LAMA2: variants seen among roughly 807,000 people sequenced by gnomAD.
The protein encoded by LAMA2 is laminin subunit alpha 2.
A neutral mutation model predicts 364.8 loss-of-function variants in LAMA2; 269 were observed. The observed-to-expected ratio is 0.74, with a 90% CI of 0.67 to 0.82. The LOEUF is 0.82. LAMA2 is among the 40% of genes least tolerant of loss of function. The pLI, the probability that LAMA2 is intolerant of heterozygous loss-of-function variation, is 0.00. For synonymous variants in LAMA2, 1,379 were observed against 1,370.6 expected, an observed-to-expected ratio of 1.01 and a Z score of -0.14; for missense variants, 3,807 against 3,873.2, an observed-to-expected ratio of 0.98 and a Z score of 0.45.
In LAMA2 at chr6:129,158,213, A is replaced by G; in HGVS notation, c.1206+3530A>G. On this transcript the variant is annotated intron_variant, in intron 8 of 64. Transcript: ENST00000421865. Reference sequence around the variant, plus strand: ...GGTAATCAGTAATCAAATAGAGCTGAGTCCAGGAACCTGTACCTTTAATAT... The same window carrying G: ...GGTAATCAGTAATCAAATAGAGCTGGGTCCAGGAACCTGTACCTTTAATAT... The G allele has an allele frequency of 1.9e-6, 3 of 1,613,882 alleles. No homozygotes were observed. In the South Asian group the frequency reaches 3.3e-5, roughly 18 times the overall value.
chr6:129,029,417 G>T (rs1786068546), intron 1 of LAMA2, among the ~76,000 whole-genome samples: 1 of 151,936 alleles, frequency 6.6e-6, no homozygotes, highest in South Asian at 2.1e-4. Context: ...AACGGATTAG[G>T]AATATTTAAT....
intron 1 of LAMA2, among the ~76,000 whole-genome samples, chr6:128,914,942 T>A (rs956692848): frequency 7.2e-5 from 11 of 152,160 alleles, no homozygotes; most frequent in Admixed American, 3.9e-4. Flanking sequence ...AGCAAAAATA[T>A]TACTTCTTCA....
At chr6:129,171,164 G>A (rs1208516121) in intron 9 of LAMA2, among the ~76,000 whole-genome samples, 1 of 151,732 alleles carries the variant, frequency 6.6e-6, no homozygotes, top group Non-Finnish European at 1.5e-5. Context: ...GGAGCATTTA[G>A]TCCATTTACA....
chr6:129,320,742 A>G (rs1774915636), intron 28 of LAMA2, 87 bp downstream of exon 28: 1 of 749,776 alleles, frequency 1.3e-6, no homozygotes, highest in Non-Finnish European at 2.4e-6. Flanking sequence ...TACTGCATAC[A>G]TATTCTTAAT....
chr6:129,006,811 G>T (rs1175470149), intron 1 of LAMA2, among the ~76,000 whole-genome samples: 5 of 152,046 alleles, frequency 3.3e-5, no homozygotes, highest in Non-Finnish European at 7.4e-5. Context: ...CTTGGTCTTT[G>T]ACCTCTTCTC....
chr6:128,996,554 T>G (rs538887047), intron 1 of LAMA2, among the ~76,000 whole-genome samples: 2 of 152,206 alleles, frequency 1.3e-5, no homozygotes, highest in South Asian at 4.1e-4. Flanking sequence ...ATTAGAGAAA[T>G]GCAAATCAAA....
intron 26 of LAMA2, 22 bp from the exon 27 acceptor site, chr6:129,316,016 T>A: frequency 6.2e-7 from 1 of 1,614,066 alleles, no homozygotes; most frequent in Non-Finnish European, 8.5e-7. Flanking sequence ...TTTGTCATAG[T>A]GATTTCTCTT....
intron 12 of LAMA2, among the ~76,000 whole-genome samples, chr6:129,205,267 C>G (rs1203476613): frequency 6.6e-6 from 1 of 151,802 alleles, no homozygotes; most frequent in Non-Finnish European, 1.5e-5. Context: ...TGGCACACGC[C>G]TGTAGTCCCA....
chr6:129,184,469 C>G (rs1437131972), intron 10 of LAMA2, among the ~76,000 whole-genome samples: 2 of 151,806 alleles, frequency 1.3e-5, no homozygotes, highest in Non-Finnish European at 2.9e-5. Context: ...TTGATGAGGC[C>G]TCATCGTTGA....
chr6:129,045,802 G>C (rs748927510), intron 1 of LAMA2, among the ~76,000 whole-genome samples: 50 of 152,192 alleles, frequency 3.3e-4, no homozygotes, highest in African/African-American at 2.4e-5. Context: ...GCCTGGGAAA[G>C]TACAGGCCTG....
intron 28 of LAMA2, among the ~76,000 whole-genome samples, chr6:129,327,673 T>C (rs1440298705): frequency 6.6e-6 from 1 of 152,208 alleles, no homozygotes; most frequent in East Asian, 1.9e-4. Flanking sequence ...ATATGTCAGC[T>C]TCACTAGAAG....
chr6:129,025,840 T>A (rs2114723738), intron 1 of LAMA2, among the ~76,000 whole-genome samples: 1 of 152,336 alleles, frequency 6.6e-6, no homozygotes, highest in Admixed American at 6.5e-5. Flanking sequence ...GATTTCTTTT[T>A]GGTGGAACAA....
chr6:128,962,139 CAT>C (rs55906092), intron 1 of LAMA2, among the ~76,000 whole-genome samples: 2,719 of 37,926 alleles, frequency 0.072, 93 homozygotes, highest in Admixed American at 0.1. Context: ...TCCTCTGGAC[CAT>C]ATATATATAT....
chr6:128,883,254 A>G lies in LAMA2; in HGVS notation c.9A>G (p.Gly3=). 6.4e-7 allele frequency: 1 copy of G among 1,554,184 alleles called. No homozygotes were observed. ...CGGTCGCGGCCACTACGATGCCGGGAGCCGCCGGGGTCCTCCTCCTTCTGC... is the reference window on the plus strand; with the variant it reads ...CGGTCGCGGCCACTACGATGCCGGGGGCCGCCGGGGTCCTCCTCCTTCTGC... MP[G]AAGVLLLLLL... is the part of the protein sequence containing the mutation. The change falls in exon 1 of 65, where the codon GGA becomes GGG. Residue 3 remains glycine (G), a synonymous_variant. Coordinates refer to ENST00000421865, the MANE Select transcript of LAMA2 (RefSeq NM_000426.4).
chr6:129,181,616 C>T lies in LAMA2; in HGVS notation c.1467+3750C>T, dbSNP rs1444847784. ...GGGTTAAACAAGAGATGAGAAACTG[C>T]AGGATAGAAAATCAGAAATATAGGC... On this transcript the variant is annotated intron_variant, in intron 10 of 64. Coordinates refer to ENST00000421865, the MANE Select transcript of LAMA2 (RefSeq NM_000426.4). Among the ~76,000 whole-genome samples, 5 of 151,488 alleles carry T rather than the reference C, an allele frequency of 3.3e-5. No homozygotes were observed. In the South Asian group the frequency reaches 8.3e-4, roughly 25 times the overall value.
In LAMA2 at chr6:128,942,861, C is replaced by T. The variant is rs144912147; in HGVS notation, c.112+59504C>T. Among the ~76,000 whole-genome samples the T allele has an allele frequency of 6.1e-3, 929 of 152,116 alleles. 9 individuals are homozygous for T. Among genetic ancestry groups the T allele is most frequent in the Admixed American group, 9.4e-3 (144 of 15,268 alleles). ...GCTCATTTGGGGTGGCAGGGGTAAC[C>T]GAAAAGTGTGGGAGCTGAGGTATTG... On this transcript the variant is annotated intron_variant, in intron 1 of 64. Coordinates refer to ENST00000421865, the MANE Select transcript of LAMA2 (RefSeq NM_000426.4).
chr6:129,106,988 G>A (rs1441301752), intron 4 of LAMA2, among the ~76,000 whole-genome samples: 2 of 151,864 alleles, frequency 1.3e-5, no homozygotes, highest in Admixed American at 1.3e-4. Context: ...GGAATCCTGA[G>A]GAGAAAACAC....
In LAMA2 at chr6:129,366,214, C is replaced by A. The variant is rs758572261; in HGVS notation, c.4718-5C>A. On this transcript the variant is annotated splice_polypyrimidine_tract_variant and splice_region_variant and intron_variant, in intron 32 of 64. Transcript: ENST00000421865. ...TAACTACTCTTTGTCACTTCTCTTTCACAGTTTGTGGAGATGAGTGCACTG... is the reference window on the plus strand; with the variant it reads ...TAACTACTCTTTGTCACTTCTCTTTAACAGTTTGTGGAGATGAGTGCACTG... The A allele has an allele frequency of 1.2e-6, 2 of 1,613,532 alleles. No individual in the cohort carries two copies. The highest frequency in any genetic ancestry group is 1.7e-6 in the Non-Finnish European group (2 of 1,179,896).
chr6:129,151,740 A>AACTC (rs771455841), intron 7 of LAMA2, among the ~76,000 whole-genome samples: 2 of 152,106 alleles, frequency 1.3e-5, no homozygotes, highest in Admixed American at 6.6e-5. Context: ...ATCTTGTACG[A>AACTC]ACTCACTCAC....
Sources: gnomAD v4.1 joint callset for allele counts (sites outside exome capture counted in the v4.1 genomes callset) on GRCh38, gnomAD v4.1.1 for gene constraint, MANE v1.5 for transcripts, NCBI Gene and HGNC (gene_info 2026-07-23, HGNC 2026-07-21) for gene names.